The following CAPN12 variants were observed in gnomAD, a reference collection of about 807,000 sequenced individuals.
CAPN12 encodes the protein calpain 12, also known as calpain-12.
CAPN12 carries 107 observed loss-of-function variants against 95.0 expected under a neutral mutation model. The observed-to-expected ratio is 1.13, with a 90% CI of 0.96 to 1.32. The LOEUF (loss-of-function observed/expected upper bound fraction) is 1.32, where lower values mean the gene tolerates loss of function less well. CAPN12 is among the 40% of genes most tolerant of loss of function. CAPN12 has a pLI of 0.00. For synonymous variants in CAPN12, 505 were observed against 415.5 expected, an observed-to-expected ratio of 1.22 and a Z score of -2.62; for missense variants, 1,136 against 997.8, an observed-to-expected ratio of 1.14 and a Z score of -1.87.
Position 38,731,150 on chromosome 19 carries a change from G to T in CAPN12, c.2031C>A (p.Phe677Leu), listed in dbSNP as rs530113729. The T allele has an allele frequency of 6.2e-7, 1 of 1,613,146 alleles. No individual in the cohort carries two copies. Among genetic ancestry groups the T allele is most frequent in the East Asian group, 2.2e-5 (1 of 44,874 alleles). ...RYRDSRLRVDFERFVSCVAHL... is the reference protein window; with the variant it reads ...RYRDSRLRVDLERFVSCVAHL... ...GGGCCACACAGGACACGAACCGCTCGAAGTCCACACGCAGACGGCTATCCC... is the reference window on the plus strand; with the variant it reads ...GGGCCACACAGGACACGAACCGCTCTAAGTCCACACGCAGACGGCTATCCC... The change falls in exon 19 of 21, where the codon TTC becomes TTA. Residue 677 changes from phenylalanine to leucine, a missense_variant. Transcript: ENST00000328867.
chr19:38,736,614 G>C, intron 10 of CAPN12, 51 bp from the exon 11 acceptor site: 2 of 1,568,956 alleles, frequency 1.3e-6, no homozygotes, highest in Non-Finnish European at 1.7e-6. Context: ...GGTGGCCGCC[G>C]CTCAGGGTCT....
At chr19:38,731,817 A>G (rs980295628) in intron 18 of CAPN12, among the ~76,000 whole-genome samples, 1 of 152,130 alleles carries the variant, frequency 6.6e-6, no homozygotes, top group Admixed American at 6.5e-5. Flanking sequence ...CTTCACCCCC[A>G]TTCTGTGTGT....
chr19:38,738,600 C>T lies in CAPN12; in HGVS notation c.778G>A (p.Ala260Thr), dbSNP rs746931323. 15 of 1,613,914 alleles carry T rather than the reference C, an allele frequency of 9.3e-6. No homozygotes were observed. Among genetic ancestry groups the T allele is most frequent in the African/African-American group, 8.0e-5 (6 of 74,938 alleles). The change falls in exon 6 of 21, where the codon GCG (alanine) becomes ACG (threonine). Residue 260 changes from alanine to threonine, a missense_variant. Physicochemically the swap from Ala to Thr is moderately conservative, Grantham distance 58. Coordinates refer to ENST00000328867, the MANE Select transcript of CAPN12 (RefSeq NM_144691.4). ...TTGTGTGTGCCCGTGATGGAATACG[C>T]GTGTCCCTTTACCAGGCCCTCTTCT... Reference protein sequence around the residue: ...RTEEGLVKGHAYSITGTHKVF... With the variant: ...RTEEGLVKGHTYSITGTHKVF...
chr19:38,737,333 C>G lies in CAPN12; in HGVS notation c.1185G>C (p.Glu395Asp). 1 of 1,600,584 alleles carries G rather than the reference C, an allele frequency of 6.2e-7. No individual in the cohort carries two copies. The change falls in exon 10 of 21, where the codon GAG (glutamate) becomes GAC (aspartate). Residue 395 changes from glutamate (E) to aspartate (D), a missense_variant. Glu to Asp is a conservative substitution (Grantham distance 45). Transcript: ENST00000328867. ...AGGGCCCTTCCTCATCCTCGTCATC[C>G]TCCTCATCAGGCTCCAGCAGCGTTA... The part of the protein sequence containing the change: ...FRLTLLEPDE[E>D]DDEDEEGPWG...
chr19:38,733,584 G>T, intron 18 of CAPN12, 119 bp downstream of exon 18: 1 of 875,944 alleles, frequency 1.1e-6, no homozygotes, highest in Non-Finnish European at 1.8e-6. Context: ...ACAAGCTAAG[G>T]TGTGGGCCTG....
intron 11 of CAPN12, 93 bp from the exon 12 acceptor site, chr19:38,736,411 C>T: frequency 6.6e-7 from 1 of 1,516,324 alleles, no homozygotes; most frequent in Non-Finnish European, 8.9e-7. Context: ...TGCCTAACCC[C>T]TGTCCACGCC....
Position 38,735,071 on chromosome 19 carries a change from C to T in CAPN12, c.1687-201G>A, listed in dbSNP as rs192111203. The stretch of plus-strand genomic sequence containing the variant: ...GGTTGCTGGTGGGGGGCCAGCAGAC[C>T]GGCCTGGGGCAGGGGGGTGGTCAGG... On this transcript the variant is annotated intron_variant, in intron 14 of 20. Transcript: ENST00000328867. The T allele has an allele frequency of 6.5e-4, 397 of 607,478 alleles. 2 individuals are homozygous for T. In the African/African-American group the frequency reaches 6.8e-3, roughly 10 times the overall value. 37.6% of individuals were successfully genotyped at this position (607,478 alleles called of 1,614,324 possible).
At chr19:38,734,508 G>C (rs377648609) in intron 15 of CAPN12, 119 bp from the exon 16 acceptor site, 1 of 856,652 alleles carries the variant, frequency 1.2e-6, no homozygotes, top group Non-Finnish European at 1.8e-6. Flanking sequence ...TATAGAAGCC[G>C]AGGCACAGGG....
rs961686713 is a variant in CAPN12, at chr19:38,730,573, C to T, written c.*279G>A. On this transcript the variant is annotated 3_prime_UTR_variant, in exon 21 of 21. Coordinates refer to ENST00000328867, the MANE Select transcript of CAPN12 (RefSeq NM_144691.4). ...TTTTTTTATTTCTCCTGTGTCTGTC[C>T]TCCACCTTCTAGGAGAGCCAGGGCA... 5.5e-6 allele frequency: 3 copies of T among 541,958 alleles called. No homozygotes were observed. Among genetic ancestry groups the T allele is most frequent in the African/African-American group, 1.9e-5 (1 of 52,996 alleles). 33.6% of individuals were successfully genotyped at this position (541,958 alleles called of 1,614,324 possible). A position where few individuals can be genotyped will look rare whatever the true frequency, so the allele number is the denominator to read the frequency against.
Position 38,734,373 on chromosome 19 carries a change from G to A in CAPN12, c.1761C>T (p.Ser587=), listed in dbSNP as rs144172884. ...IALEPARAHT[S]TPREIGLRTC... is the part of the protein sequence containing the mutation. ...TCCTGAGCCCGATCTCTCTGGGGGT[G>A]GAGGTATGGGCCCTGGCTACAGGAA... Residue 587 remains serine, a synonymous_variant, in exon 16 of 21, where the codon TCC becomes TCT. Transcript: ENST00000328867. 60 of 1,603,014 alleles carry A rather than the reference G, an allele frequency of 3.7e-5. No homozygotes were observed. In the African/African-American group the frequency reaches 7.5e-4, roughly 20 times the overall value.
intron 5 of CAPN12, 64 bp from the exon 6 acceptor site, chr19:38,738,712 C>T: frequency 6.7e-7 from 1 of 1,495,028 alleles, no homozygotes; most frequent in Non-Finnish European, 9.3e-7. Flanking sequence ...TCCTCCCTGC[C>T]CCCAACCTCC....
intron 18 of CAPN12, 135 bp from the exon 19 acceptor site, chr19:38,731,358 T>C: frequency 1.4e-6 from 1 of 694,330 alleles, no homozygotes; most frequent in African/African-American, 1.7e-5. Flanking sequence ...CCCGGCAGGG[T>C]GAGTACAGGC....
In CAPN12 at chr19:38,740,150, G is replaced by A. The variant is rs1201428860; in HGVS notation, c.630C>T (p.Gly210=). The A allele has an allele frequency of 8.1e-6, 13 of 1,613,372 alleles. No homozygotes were observed. Among genetic ancestry groups the A allele is most frequent in the Middle Eastern group, 1.7e-4 (1 of 6,048 alleles). Residue 210 remains glycine (G), a synonymous_variant, in exon 5 of 21, where the codon GGC becomes GGT. Transcript: ENST00000328867. ...MNEAFVDFTG[G]VGEVLYLRQN... ...GTCTCAGATAGAGCACCTCGCCCAC[G>A]CCGCCTGTGAAATCCACAAAAGCCT...
Position 38,730,208 on chromosome 19 carries a change from TTTA to T in CAPN12, c.*641_*643del, listed in dbSNP as rs957111552. 3.8e-5 allele frequency: 6 copies of T among 157,106 alleles called. No homozygotes were observed. The highest frequency in any genetic ancestry group is 9.7e-5 in the African/African-American group (4 of 41,384). 9.7% of individuals were successfully genotyped at this position (157,106 alleles called of 1,614,324 possible). ...AAACTTTCAGAGAATTACTATTTAC[TTTA>T]TTAACTTACGGATTTATTATATAAA... On this transcript the variant is annotated 3_prime_UTR_variant, in exon 21 of 21. Coordinates refer to ENST00000328867, the MANE Select transcript of CAPN12 (RefSeq NM_144691.4).
intron 18 of CAPN12, among the ~76,000 whole-genome samples, chr19:38,731,856 A>G (rs912907101): frequency 2.6e-5 from 4 of 152,060 alleles, no homozygotes; most frequent in Admixed American, 6.6e-5. Flanking sequence ...TCTACCAAGT[A>G]AGTGCCATTT....
chr19:38,744,473 G>A lies in CAPN12; in HGVS notation c.-308C>T, dbSNP rs768835237. On this transcript the variant is annotated 5_prime_UTR_variant, in exon 1 of 21. Transcript: ENST00000328867. ...TGTCAGAGCACCAAGAAGGAGGTCA[G>A]TGTGGGGGTGAGCTTCTGCCTACTT... The A allele has an allele frequency of 4.3e-6, 2 of 468,980 alleles. No homozygotes were observed. The highest frequency in any genetic ancestry group is 7.9e-6 in the Non-Finnish European group (2 of 254,754). 29.1% of individuals were successfully genotyped at this position (468,980 alleles called of 1,614,324 possible). A position where few individuals can be genotyped will look rare whatever the true frequency, so the allele number is the denominator to read the frequency against.
At chr19:38,738,888 T>G in intron 5 of CAPN12, 1 of 553,490 alleles carries the variant, frequency 1.8e-6, no homozygotes, top group East Asian at 3.1e-5. Flanking sequence ...TCCCAGCACT[T>G]AGGGAGGTCG....
rs769174107 is a variant in CAPN12 at position 38,733,793 on chromosome 19, G to A, written c.1879-12C>T. On this transcript the variant is annotated splice_polypyrimidine_tract_variant and intron_variant, in intron 17 of 20. Transcript: ENST00000328867. ...TTGTTAAATATGGCCTGGGCAGGAA[G>A]GATGAGTCAGGGCTGCCCTCCATGC... The A allele has an allele frequency of 1.1e-5, 18 of 1,608,810 alleles. No homozygotes were observed. Among genetic ancestry groups the A allele is most frequent in the Non-Finnish European group, 1.4e-5 (17 of 1,175,906 alleles).
At chr19:38,735,018 G>A in intron 14 of CAPN12, 148 bp from the exon 15 acceptor site, 1 of 704,938 alleles carries the variant, frequency 1.4e-6, no homozygotes, top group East Asian at 2.8e-5. Context: ...ACAGGGCCAG[G>A]GCTGTGACGG....
Sources: allele counts gnomAD v4.1 joint callset (sites outside exome capture counted in the v4.1 genomes callset), GRCh38; gene constraint gnomAD v4.1.1; transcripts MANE v1.5; gene names NCBI Gene and HGNC (gene_info 2026-07-23, HGNC 2026-07-21).